The following ASCC3 variants were observed in gnomAD, a reference collection of about 807,000 sequenced individuals.
The protein encoded by ASCC3 is ASC-1 complex subunit P200.
In ASCC3, 158 loss-of-function variants were observed where a neutral mutation model predicts 256.3. The ratio of observed to expected loss-of-function variants is 0.62; its 90% CI spans 0.54 to 0.70. The LOEUF (loss-of-function observed/expected upper bound fraction) is 0.70. Ranked by LOEUF, ASCC3 falls within the 30% of genes least tolerant of loss-of-function variation. The pLI is 0.00. For missense variants in ASCC3, 2,259 were observed against 2,626.0 expected, an observed-to-expected ratio of 0.86 and a Z score of 3.05; for synonymous variants, 948 against 883.4, an observed-to-expected ratio of 1.07 and a Z score of -1.30.
Position 100,606,764 on chromosome 6 carries a change from G to A in ASCC3, c.5020C>T (p.Arg1674Cys), listed in dbSNP as rs112466876. The A allele has an allele frequency of 2.5e-5, 40 of 1,606,728 alleles. No homozygotes were observed. The East Asian group carries it at 3.4e-4, about 13-fold the overall frequency. The change falls in exon 32 of 42, where the codon CGT (arginine) becomes TGT (cysteine). Residue 1674 changes from arginine to cysteine, a missense_variant. Around this residue, in one of 2 missense-constraint regions of ASCC3, gnomAD observed 1,839 missense variants for 2,206.7 expected, o/e 0.83. Transcript: ENST00000369162. ...CCTGTAATGGGAAAATCCACATAAC[G>A]TCTTGTTTTTCCATCATAGTATTCT... is the stretch of plus-strand genomic sequence containing the variant. ...GTEYYDGKTR[R>C]YVDFPITDVL...
chr6:100,804,604 A>G (rs1300527441), intron 5 of ASCC3, among the ~76,000 whole-genome samples: 1 of 152,146 alleles, frequency 6.6e-6, no homozygotes, highest in East Asian at 1.9e-4. Context: ...TGGGCAAAGG[A>G]CATTAACAGA....
At chr6:100,836,844 G>A (rs1414855033) in intron 4 of ASCC3, among the ~76,000 whole-genome samples, 1 of 152,072 alleles carries the variant, frequency 6.6e-6, no homozygotes, top group East Asian at 1.9e-4. Flanking sequence ...GCAGAATTCA[G>A]AAGTAAAGGC....
intron 14 of ASCC3, among the ~76,000 whole-genome samples, chr6:100,679,387 C>T (rs928961174): frequency 2.0e-5 from 3 of 151,940 alleles, no homozygotes; most frequent in Admixed American, 1.3e-4. Flanking sequence ...TTTTAAAGAG[C>T]AGGACTAGGC....
rs1273679032 is a variant in ASCC3 at position 100,731,401 on chromosome 6, G to C, written c.1738-5698C>G. On this transcript the variant is annotated intron_variant, in intron 10 of 41. Transcript: ENST00000369162. The stretch of plus-strand genomic sequence containing the variant: ...AAGGGACACAATACTTTGTTACCCT[G>C]AAACCTTAACTAATTACATATAATT... Among the ~76,000 whole-genome samples, 3 of 152,116 alleles carry C rather than the reference G, an allele frequency of 2.0e-5. No individual in the cohort carries two copies. In the East Asian group the frequency reaches 5.8e-4, roughly 29 times the overall value.
intron 36 of ASCC3, among the ~76,000 whole-genome samples, chr6:100,584,896 T>C (rs140675649): frequency 0.033 from 4,966 of 152,264 alleles, 243 homozygotes; most frequent in African/African-American, 0.11. Flanking sequence ...TTAAGAATGT[T>C]GAATATTGGC....
chr6:100,859,244 G>T (rs1181678023), intron 3 of ASCC3: 2 of 778,872 alleles, frequency 2.6e-6, no homozygotes, highest in Non-Finnish European at 4.8e-6. Flanking sequence ...CATTTTCTGG[G>T]TTAATTTCTG....
intron 10 of ASCC3, among the ~76,000 whole-genome samples, chr6:100,746,209 G>C (rs1780667720): frequency 8.8e-6 from 1 of 113,328 alleles, no homozygotes; most frequent in South Asian, 2.5e-4. Context: ...AAAGACCTAA[G>C]TGGCTGAGGT....
At chr6:100,828,885 T>G (rs976991065) in intron 4 of ASCC3, among the ~76,000 whole-genome samples, 1 of 152,230 alleles carries the variant, frequency 6.6e-6, no homozygotes, top group African/African-American at 2.4e-5. Context: ...CCTGCTTTTA[T>G]TCTCTTATCT....
At chr6:100,811,730 C>T (rs1175099256) in intron 4 of ASCC3, among the ~76,000 whole-genome samples, 1 of 151,978 alleles carries the variant, frequency 6.6e-6, no homozygotes, top group Admixed American at 6.6e-5. Flanking sequence ...CTATGAAAAA[C>T]ATCTAAGATT....
intron 30 of ASCC3, among the ~76,000 whole-genome samples, chr6:100,608,074 ATATATGTATATATAT>A (rs1562160794): frequency 8.8e-5 from 9 of 102,626 alleles, no homozygotes; most frequent in African/African-American, 3.2e-4. Context: ...ATATATACAT[ATATATGTATATATAT>A]CTATATACAC....
intron 8 of ASCC3, among the ~76,000 whole-genome samples, chr6:100,791,732 T>C (rs1769358151): frequency 6.6e-6 from 1 of 152,026 alleles, no homozygotes; most frequent in African/African-American, 2.4e-5. Context: ...ATGCACTTTT[T>C]TATTCAGAAA....
intron 34 of ASCC3, among the ~76,000 whole-genome samples, chr6:100,595,547 C>T (rs992418138): frequency 6.6e-6 from 1 of 151,934 alleles, no homozygotes; most frequent in Non-Finnish European, 1.5e-5. Context: ...TGGGGGGCAT[C>T]AAATAAAAAG....
chr6:100,591,334 C>A (rs182478223), intron 34 of ASCC3, among the ~76,000 whole-genome samples: 27 of 151,960 alleles, frequency 1.8e-4, no homozygotes, highest in Admixed American at 1.8e-3. Flanking sequence ...GACATTCAAG[C>A]CATATAAAAG....
chr6:100,568,726 C>A (rs1437886780), intron 36 of ASCC3, among the ~76,000 whole-genome samples: 1 of 149,154 alleles, frequency 6.7e-6, no homozygotes, highest in African/African-American at 2.5e-5. Flanking sequence ...GTTTTTGCTG[C>A]AATTGCTTTT....
At chr6:100,586,793 C>A (rs562035977) in intron 36 of ASCC3, among the ~76,000 whole-genome samples, 187 of 152,202 alleles carry the variant, frequency 1.2e-3, no homozygotes, top group African/African-American at 4.4e-3. Context: ...TTAATACCCC[C>A]AAATCCTGAA....
rs553553412 is a variant in ASCC3, at chr6:100,581,937, A to T, written c.5550+7697T>A. Among the ~76,000 whole-genome samples the T allele has an allele frequency of 1.0e-3, 155 of 151,932 alleles. 1 individual carries two copies. The highest frequency in any genetic ancestry group is 2.5e-3 in the South Asian group (12 of 4,796). ...CTGAGGGCTCTGTTCTGTTCCATTG[A>T]TCTATATCTCTGTTTTGGTACCAGT... On this transcript the variant is annotated intron_variant, in intron 36 of 41. Coordinates refer to ENST00000369162, the MANE Select transcript of ASCC3 (RefSeq NM_006828.4).
intron 36 of ASCC3, among the ~76,000 whole-genome samples, chr6:100,548,052 A>C (rs1769080786): frequency 6.6e-6 from 1 of 151,758 alleles, no homozygotes; most frequent in Admixed American, 6.6e-5. Context: ...AAAAAAAAAA[A>C]CAGGAATACA....
At chr6:100,758,528 G>A (rs1375484286) in intron 10 of ASCC3, among the ~76,000 whole-genome samples, 1 of 152,144 alleles carries the variant, frequency 6.6e-6, no homozygotes, top group Non-Finnish European at 1.5e-5. Flanking sequence ...TGAGGATGAT[G>A]GTTTCCAGCT....
intron 4 of ASCC3, among the ~76,000 whole-genome samples, chr6:100,846,080 G>A (rs954373069): frequency 6.6e-6 from 1 of 152,068 alleles, no homozygotes; most frequent in African/African-American, 2.4e-5. Context: ...ATGAACTGAT[G>A]GCCTTTTTAA....
Sources: allele counts gnomAD v4.1 joint callset (sites outside exome capture counted in the v4.1 genomes callset), GRCh38; gene constraint gnomAD v4.1.1; regional missense constraint gnomAD v4.1.1; transcripts MANE v1.5; gene names NCBI Gene and HGNC (gene_info 2026-07-23, HGNC 2026-07-21).